The following RLIG1 variants were observed in gnomAD, a reference collection of about 807,000 sequenced individuals.
The protein encoded by RLIG1 is RNA 5'-phosphate and 3'-OH ligase 1.
chr12:88,047,222 G>T, the RLIG1 span, among the ~76,000 whole-genome samples: 1 of 152,116 alleles, frequency 6.6e-6, no homozygotes, highest in East Asian at 1.9e-4. Flanking sequence ...TATCCCCTGC[G>T]TGGAAATTCA....
chr12:88,040,165 A>G, the RLIG1 span: 2 of 1,609,030 alleles, frequency 1.2e-6, no homozygotes, highest in Non-Finnish European at 1.7e-6. Flanking sequence ...AAGTTTTGGC[A>G]ACTGAAACTG....
At chr12:88,036,285 T>C in the RLIG1 span, among the ~76,000 whole-genome samples, 1 of 152,190 alleles carries the variant, frequency 6.6e-6, no homozygotes, top group African/African-American at 2.4e-5. Flanking sequence ...AGCAACGTGT[T>C]TTCCATAGTG....
chr12:88,035,912 C>G, the RLIG1 span: 4 of 1,508,340 alleles, frequency 2.7e-6, no homozygotes, highest in Non-Finnish European at 3.5e-6. Context: ...GCCCTGAGCT[C>G]CAGGTTCTTG....
At chr12:88,045,381 T>G in the RLIG1 span, 7 of 534,026 alleles carry the variant, frequency 1.3e-5, no homozygotes, top group African/African-American at 1.3e-4. Context: ...ATAGGTTAAT[T>G]CTACAGAATA....
chr12:88,045,134 C>T, the RLIG1 span: 819 of 157,496 alleles, frequency 5.2e-3, 14 homozygotes, highest in African/African-American at 0.019. Context: ...AGGGTAATAG[C>T]AATAACATTC....
At chr12:88,049,042 T>C in the RLIG1 span, 15 of 449,718 alleles carry the variant, frequency 3.3e-5, no homozygotes, top group African/African-American at 3.1e-4. Context: ...TATAATTTTA[T>C]TTATTAAGAA....
chr12:88,039,755 A>G, the RLIG1 span, among the ~76,000 whole-genome samples: 25 of 152,112 alleles, frequency 1.6e-4, no homozygotes, highest in Admixed American at 1.6e-3. Flanking sequence ...ATTAAAATGC[A>G]AGTTTCACCC....
the RLIG1 span, among the ~76,000 whole-genome samples, chr12:88,046,143 A>G: frequency 6.6e-6 from 1 of 152,182 alleles, no homozygotes; most frequent in African/African-American, 2.4e-5. Flanking sequence ...GGTATAAAGA[A>G]TTGGCAATGA....
At chr12:88,046,825 A>G in the RLIG1 span, 1 of 1,610,278 alleles carries the variant, frequency 6.2e-7, no homozygotes, top group Non-Finnish European at 8.5e-7. Flanking sequence ...AGCAAGAAAC[A>G]TCCATTACAT....
chr12:88,048,411 T>G, the RLIG1 span: 5 of 1,424,476 alleles, frequency 3.5e-6, no homozygotes, highest in Non-Finnish European at 4.8e-6. Context: ...AGATATAATA[T>G]TTGATGTATA....
the RLIG1 span, chr12:88,042,830 C>T: frequency 4.0e-6 from 6 of 1,497,362 alleles, no homozygotes; most frequent in Non-Finnish European, 4.4e-6. Context: ...TTTAGATCAG[C>T]CATACCTTTG....
the RLIG1 span, chr12:88,046,687 C>T: frequency 2.1e-6 from 2 of 933,644 alleles, no homozygotes; most frequent in Non-Finnish European, 3.2e-6. Context: ...TTAAGGAAAC[C>T]AACCAGCCTT....
chr12:88,040,637 A>G, the RLIG1 span, among the ~76,000 whole-genome samples: 4 of 152,150 alleles, frequency 2.6e-5, no homozygotes, highest in African/African-American at 9.7e-5. Context: ...AATGGGACCT[A>G]TGTTCGTGTG....
the RLIG1 span, among the ~76,000 whole-genome samples, chr12:88,040,632 G>T: frequency 1.3e-5 from 2 of 152,122 alleles, no homozygotes; most frequent in Non-Finnish European, 2.9e-5. Context: ...CTGGCAATGG[G>T]ACCTATGTTC....
chr12:88,035,554 G>C, the RLIG1 span: 1 of 1,318,286 alleles, frequency 7.6e-7, no homozygotes, highest in Non-Finnish European at 1.1e-6. Flanking sequence ...TGCGTGGCCT[G>C]AGCCGTGCGG....
chr12:88,039,017 A>G, the RLIG1 span, among the ~76,000 whole-genome samples: 1 of 152,192 alleles, frequency 6.6e-6, no homozygotes, highest in Non-Finnish European at 1.5e-5. Flanking sequence ...ACTGATGTCA[A>G]TTATATTGAG....
chr12:88,049,259 T>C, the RLIG1 span: 22 of 1,609,876 alleles, frequency 1.4e-5, no homozygotes, highest in Non-Finnish European at 1.8e-5. Flanking sequence ...GGCTAGTTAA[T>C]TCAACTCCCA....
the RLIG1 span, among the ~76,000 whole-genome samples, chr12:88,047,444 G>A: frequency 6.6e-6 from 1 of 152,032 alleles, no homozygotes; most frequent in East Asian, 1.9e-4. Flanking sequence ...TCAAAACTGG[G>A]CCTAGTTGTA....
chr12:88,044,535 TCTTTAATTAGA>T, the RLIG1 span: 1 of 152,200 alleles, frequency 6.6e-6, no homozygotes, highest in African/African-American at 2.4e-5. Context: ...TCCTCAATGA[TCTTTAATTAGA>T]CATTGGGAGA....
Sources: allele counts gnomAD v4.1 joint callset (sites outside exome capture counted in the v4.1 genomes callset), GRCh38; gene constraint gnomAD v4.1.1; transcripts MANE v1.5; gene names NCBI Gene and HGNC (gene_info 2026-07-23, HGNC 2026-07-21).